Variants in RSU1 observed in about 807,000 individuals in gnomAD.
The protein encoded by RSU1 is Ras suppressor protein 1, also known as rsu-1.
RSU1 carries 26 observed loss-of-function variants against 31.1 expected under a neutral mutation model. The observed-to-expected ratio is 0.84, with a 90% CI of 0.61 to 1.16. The LOEUF is 1.16. Ranked by LOEUF, RSU1 falls within the 50% of genes most tolerant of loss-of-function variation. The pLI is 0.00. For missense variants in RSU1, 320 were observed against 339.1 expected, an observed-to-expected ratio of 0.94 and a Z score of 0.44; for synonymous variants, 164 against 136.3, an observed-to-expected ratio of 1.20 and a Z score of -1.41.
intron 7 of RSU1, among the ~76,000 whole-genome samples, chr10:16,732,221 C>T (rs1836527698): frequency 6.6e-6 from 1 of 152,062 alleles, no homozygotes; most frequent in African/African-American, 2.4e-5. Context: ...TAATATATAC[C>T]ACTGCTTTGC....
At chr10:16,809,995 G>C (rs147376286) in intron 2 of RSU1, among the ~76,000 whole-genome samples, 13 of 150,474 alleles carry the variant, frequency 8.6e-5, no homozygotes, top group East Asian at 2.0e-4. Context: ...CCGGGGGTGG[G>C]GGGGGGAGGT....
chr10:16,781,986 G>A, intron 3 of RSU1, 48 bp downstream of exon 3: 1 of 1,516,774 alleles, frequency 6.6e-7, no homozygotes, highest in Non-Finnish European at 9.1e-7. Context: ...CAGTGCCATA[G>A]GATTACCTAA....
chr10:16,801,868 CA>C (rs1431045528), intron 2 of RSU1, among the ~76,000 whole-genome samples: 3 of 151,898 alleles, frequency 2.0e-5, no homozygotes, highest in African/African-American at 7.2e-5. Flanking sequence ...TTGTGAACTG[CA>C]GCAAAATCAA....
At chr10:16,598,438 T>C (rs1030201705) in intron 8 of RSU1, among the ~76,000 whole-genome samples, 1 of 152,016 alleles carries the variant, frequency 6.6e-6, no homozygotes, top group African/African-American at 2.4e-5. Context: ...TAGTCCCAGC[T>C]ACTTACTTGG....
chr10:16,796,681 A>C (rs1838041219), intron 2 of RSU1, among the ~76,000 whole-genome samples: 1 of 152,184 alleles, frequency 6.6e-6, no homozygotes, highest in East Asian at 1.9e-4. Flanking sequence ...TCATTTGAGG[A>C]GAAGCTTATT....
intron 7 of RSU1, among the ~76,000 whole-genome samples, chr10:16,731,303 G>A (rs966276648): frequency 3.3e-5 from 5 of 151,900 alleles, no homozygotes; most frequent in Non-Finnish European, 7.4e-5. Context: ...GGGGGTGGGC[G>A]CCTGTAGTCC....
At chr10:16,646,575 T>C (rs1588692746) in intron 8 of RSU1, among the ~76,000 whole-genome samples, 1 of 152,164 alleles carries the variant, frequency 6.6e-6, no homozygotes. Context: ...CTTTATTTCA[T>C]ATATTTAAAG....
intron 2 of RSU1, among the ~76,000 whole-genome samples, chr10:16,791,779 G>A (rs1837921201): frequency 6.6e-6 from 1 of 152,136 alleles, no homozygotes; most frequent in Non-Finnish European, 1.5e-5. Flanking sequence ...GACAATATAA[G>A]GAAGGCAAAA....
At chr10:16,717,731 A>T (rs550485077) in intron 7 of RSU1, among the ~76,000 whole-genome samples, 4 of 152,334 alleles carry the variant, frequency 2.6e-5, no homozygotes, top group Non-Finnish European at 5.9e-5. Context: ...AAAATTTAAC[A>T]GTAGGACTCA....
At chr10:16,639,842 G>A (rs776443326) in intron 8 of RSU1, among the ~76,000 whole-genome samples, 11 of 152,138 alleles carry the variant, frequency 7.2e-5, no homozygotes, top group East Asian at 1.9e-4. Flanking sequence ...CAATTCAAGC[G>A]GACATTTGGT....
intron 3 of RSU1, among the ~76,000 whole-genome samples, chr10:16,777,225 A>T (rs1156263845): frequency 1.3e-5 from 2 of 152,202 alleles, no homozygotes; most frequent in African/African-American, 4.8e-5. Context: ...TTGAATTAAA[A>T]TCTGGTTACA....
chr10:16,664,533 T>A (rs898692577), intron 8 of RSU1, among the ~76,000 whole-genome samples: 41 of 152,178 alleles, frequency 2.7e-4, no homozygotes, highest in African/African-American at 9.7e-4. Flanking sequence ...TAAATGAGTG[T>A]TTCAAAACAG....
chr10:16,705,661 G>T (rs1048838267), intron 7 of RSU1, among the ~76,000 whole-genome samples: 17 of 151,966 alleles, frequency 1.1e-4, no homozygotes, highest in South Asian at 4.1e-4. Flanking sequence ...GCTAATTTTT[G>T]TATTTTTTAG....
intron 8 of RSU1, among the ~76,000 whole-genome samples, chr10:16,665,441 T>G (rs980123725): frequency 6.6e-6 from 1 of 152,200 alleles, no homozygotes; most frequent in Non-Finnish European, 1.5e-5. Context: ...AAATACACTG[T>G]TAAATTGAAT....
At chr10:16,816,567 AGG>A (rs1755102278) in intron 2 of RSU1, among the ~76,000 whole-genome samples, 2 of 152,256 alleles carry the variant, frequency 1.3e-5, no homozygotes, top group Admixed American at 6.5e-5. Context: ...AAAACGCTCC[AGG>A]CACAAGAATG....
intron 8 of RSU1, among the ~76,000 whole-genome samples, chr10:16,640,901 T>A (rs149539854): frequency 1.5e-4 from 23 of 152,280 alleles, no homozygotes; most frequent in Admixed American, 1.4e-3. Context: ...ATGAAACAGG[T>A]TCTGAGGCAA....
chr10:16,673,500 G>A (rs10795414), intron 8 of RSU1, among the ~76,000 whole-genome samples: 42,862 of 152,088 alleles, frequency 0.28, 6,255 homozygotes, highest in African/African-American at 0.34. Context: ...AGCAATATAG[G>A]AAATTAATTC....
intron 2 of RSU1, among the ~76,000 whole-genome samples, chr10:16,784,446 T>A (rs1837727093): frequency 6.6e-6 from 1 of 152,164 alleles, no homozygotes; most frequent in Admixed American, 6.6e-5. Context: ...TTCTGCAGGC[T>A]GTACAGGAAG....
chr10:16,696,308 A>G (rs374667031), intron 7 of RSU1, among the ~76,000 whole-genome samples: 39 of 152,358 alleles, frequency 2.6e-4, no homozygotes, highest in Middle Eastern at 3.4e-3. Flanking sequence ...CAATGAAAAC[A>G]TATCCTGGGA....
Sources: gnomAD v4.1 joint callset for allele counts (sites outside exome capture counted in the v4.1 genomes callset) on GRCh38, gnomAD v4.1.1 for gene constraint, MANE v1.5 for transcripts, NCBI Gene and HGNC (gene_info 2026-07-23, HGNC 2026-07-21) for gene names.